Variants in RBM39 observed in about 807,000 individuals in gnomAD.
RBM39 encodes RNA-binding protein 39.
Under a neutral mutation model 79.6 loss-of-function variants are expected in RBM39, and 12 were observed. The observed-to-expected ratio is 0.15, with a 90% CI of 0.10 to 0.24. RBM39 has a LOEUF of 0.24. Ranked by LOEUF, RBM39 falls within the 10% of genes least tolerant of loss-of-function variation. RBM39 has a pLI of 1.00. For synonymous variants in RBM39, 185 were observed against 208.4 expected (o/e 0.89, Z 0.97); for missense variants, 243 against 653.4 (o/e 0.37, Z 6.85).
intron 14 of RBM39, among the ~76,000 whole-genome samples, chr20:35,706,844 A>G (rs2035788997): frequency 6.6e-6 from 1 of 151,964 alleles, no homozygotes; most frequent in Non-Finnish European, 1.5e-5. Context: ...CCTGACCAAC[A>G]TGGTGAAACC....
chr20:35,721,369 GGTGGA>G (rs1187789037), intron 9 of RBM39, among the ~76,000 whole-genome samples: 15 of 152,278 alleles, frequency 9.9e-5, no homozygotes, highest in African/African-American at 3.1e-4. Flanking sequence ...TGTTACCCAA[GGTGGA>G]GTGAAGTGGC....
At chr20:35,740,076 A>G (rs1569086307) in intron 2 of RBM39, 1 of 157,414 alleles carries the variant, frequency 6.4e-6, no homozygotes, top group Non-Finnish European at 1.4e-5. Flanking sequence ...GTGAAATACT[A>G]TGGTAGGGCC....
At chr20:35,719,278 C>T (rs2037585993) in intron 9 of RBM39, among the ~76,000 whole-genome samples, 3 of 152,094 alleles carry the variant, frequency 2.0e-5, no homozygotes, top group Admixed American at 2.0e-4. Flanking sequence ...GTGATCCACC[C>T]GACTCGGCCC....
rs142725996 is a variant in RBM39 at position 35,721,951 on chromosome 20, C to T, written c.688-74G>A. 20 of 1,498,890 alleles carry T rather than the reference C, an allele frequency of 1.3e-5. No homozygotes were observed. The Middle Eastern group carries it at 5.3e-4, about 40-fold the overall frequency. The allele number at this position is 1,498,890 out of a possible 1,614,324, so 92.8% of individuals were successfully genotyped here. On this transcript the variant is annotated intron_variant, in intron 8 of 16. Transcript: ENST00000253363. ...AGACATACACCTTCCATTTGCATAA[C>T]AACTAATGTTAAAGTTTAGAGTGAT...
intron 7 of RBM39, 131 bp downstream of exon 7, chr20:35,724,907 T>C: frequency 2.0e-6 from 2 of 998,846 alleles, no homozygotes; most frequent in East Asian, 2.4e-5. Context: ...TCAACTCCAA[T>C]ACTACAAGAG....
rs149457616 is a variant in RBM39 at position 35,717,195 on chromosome 20, G to A, written c.826-390C>T. Among the ~76,000 whole-genome samples, 396 of 151,930 alleles carry A rather than the reference G, an allele frequency of 2.6e-3. 1 individual carries two copies. The highest frequency in any genetic ancestry group is 9.1e-3 in the African/African-American group (375 of 41,418). On this transcript the variant is annotated intron_variant, in intron 9 of 16. Transcript: ENST00000253363. ...CTTGGAATGCTGAAGCAGAAGAATT[G>A]CTTGAACCCGGGAGGCAGAGGTTGC...
chr20:35,724,820 T>C, intron 7 of RBM39, 98 bp from the exon 8 acceptor site: 1 of 1,400,680 alleles, frequency 7.1e-7, no homozygotes, highest in Non-Finnish European at 9.7e-7. Context: ...TTTTTAAAAA[T>C]TTAATTAAAA....
chr20:35,722,007 A>G (rs2037999241), intron 8 of RBM39, 130 bp from the exon 9 acceptor site: 6 of 1,026,982 alleles, frequency 5.8e-6, no homozygotes, highest in African/African-American at 1.6e-5. Flanking sequence ...GTCAGATACT[A>G]CATATCAACT....
intron 3 of RBM39, chr20:35,734,717 C>G (rs1191777078): frequency 1.1e-6 from 1 of 931,946 alleles, no homozygotes; most frequent in Non-Finnish European, 1.4e-6. Context: ...CAACCCCAGG[C>G]AGGTAAAAAG....
At chr20:35,729,855 A>AC (rs59682423) in intron 4 of RBM39, among the ~76,000 whole-genome samples, 104 of 151,194 alleles carry the variant, frequency 6.9e-4, no homozygotes, top group Non-Finnish European at 1.2e-3. Context: ...AAAAAAAAAA[A>AC]ACACACACAC....
chr20:35,715,019 G>A (rs896614091), intron 10 of RBM39, among the ~76,000 whole-genome samples: 13 of 152,118 alleles, frequency 8.5e-5, no homozygotes, highest in African/African-American at 1.7e-4. Context: ...ATTGACGTAC[G>A]TAACAGCCTA....
chr20:35,713,208 G>C (rs2036657700), intron 11 of RBM39, 112 bp from the exon 12 acceptor site: 1 of 871,338 alleles, frequency 1.1e-6, no homozygotes. Context: ...GGAGGGCCGA[G>C]TGTGGTGGTT....
chr20:35,735,436 T>C (rs1323707628), intron 3 of RBM39, among the ~76,000 whole-genome samples: 2 of 152,344 alleles, frequency 1.3e-5, no homozygotes, highest in Admixed American at 6.5e-5. Context: ...ATCAGAATTA[T>C]ACAATTAAAA....
chr20:35,719,964 G>A, intron 9 of RBM39: 1 of 270,630 alleles, frequency 3.7e-6, no homozygotes. Context: ...TCTATTTTTA[G>A]TAGAGACAAG....
chr20:35,730,426 C>G (rs6058308), intron 4 of RBM39, among the ~76,000 whole-genome samples: 1 of 152,120 alleles, frequency 6.6e-6, no homozygotes, highest in East Asian at 1.9e-4. Context: ...CCATGCCTAC[C>G]TACAACATGC....
rs375140256 is a variant in RBM39, at chr20:35,729,484, A to C, written c.340T>G (p.Leu114Val). The C allele has an allele frequency of 7.6e-5, 122 of 1,613,800 alleles. No individual in the cohort carries two copies. Among genetic ancestry groups the C allele is most frequent in the Non-Finnish European group, 9.7e-5 (115 of 1,179,962 alleles). Residue 114 changes from leucine to valine, a missense_variant, in exon 5 of 17, where the codon TTG becomes GTG. Physicochemically the swap from Leu to Val is conservative, Grantham distance 32. Around this residue, in one of 4 missense-constraint regions of RBM39, gnomAD observed 115 missense variants for 184.1 expected, o/e 0.62. Coordinates refer to ENST00000253363, the MANE Select transcript of RBM39 (RefSeq NM_184234.3). ...AACCTTAATTTGATGCTATGAGGCA[A>C]CCCAATCTTTCCTCGGATGGCACTG... Reference protein sequence around the residue: ...FNSAIRGKIGLPHSIKLSRRR... With the variant: ...FNSAIRGKIGVPHSIKLSRRR...
At chr20:35,718,751 T>G (rs1161223098) in intron 9 of RBM39, among the ~76,000 whole-genome samples, 94 of 144,954 alleles carry the variant, frequency 6.5e-4, no homozygotes, top group Non-Finnish European at 1.5e-4. Flanking sequence ...AGATGGGGGT[T>G]ATGGTGAGCT....
In RBM39 at chr20:35,716,687, T is replaced by C. The variant is rs979870747; in HGVS notation, c.891+53A>G. 2.3e-5 allele frequency: 25 copies of C among 1,101,256 alleles called. No homozygotes were observed. The African/African-American group carries it at 2.7e-4, about 12-fold the overall frequency. 68.2% of individuals were successfully genotyped at this position (1,101,256 alleles called of 1,614,324 possible). On this transcript the variant is annotated intron_variant, in intron 10 of 16. Coordinates refer to ENST00000253363, the MANE Select transcript of RBM39 (RefSeq NM_184234.3). ...AGACTAATCTGAGCAACACAGCAAA[T>C]GTAGTTTAAAAAAAAAAAAACCCTA... is the stretch of plus-strand genomic sequence containing the variant.
At chr20:35,717,881 C>T (rs986872194) in intron 9 of RBM39, among the ~76,000 whole-genome samples, 4 of 149,846 alleles carry the variant, frequency 2.7e-5, no homozygotes, top group South Asian at 2.1e-4. Flanking sequence ...TTTTTTGAGA[C>T]GGAGTCTCGC....
Sources: gnomAD v4.1 joint callset for allele counts (sites outside exome capture counted in the v4.1 genomes callset) on GRCh38, gnomAD v4.1.1 for gene constraint, gnomAD v4.1.1 regional missense constraint, MANE v1.5 for transcripts, NCBI Gene and HGNC (gene_info 2026-07-23, HGNC 2026-07-21) for gene names.